The following AHCYL2 variants were observed in gnomAD, a reference collection of about 807,000 sequenced individuals.
The protein encoded by AHCYL2 is S-adenosylhomocysteine hydrolase-like protein 2.
A neutral mutation model predicts 81.4 loss-of-function variants in AHCYL2; 28 were observed. The observed-to-expected ratio is 0.34, with a 90% CI of 0.25 to 0.47. The LOEUF is 0.47. Ranked by LOEUF, AHCYL2 falls within the 20% of genes least tolerant of loss-of-function variation. AHCYL2 has a pLI of 1.00. For missense variants in AHCYL2, 551 were observed against 785.1 expected (o/e 0.70, Z 3.56); for synonymous variants, 272 against 290.2 (o/e 0.94, Z 0.64).
intron 1 of AHCYL2, among the ~76,000 whole-genome samples, chr7:129,241,837 G>A (rs529696325): frequency 3.3e-5 from 5 of 151,972 alleles, no homozygotes; most frequent in African/African-American, 1.2e-4. Flanking sequence ...GGGCAACATA[G>A]TGAGACCCTA....
At chr7:129,320,776 T>G (rs1797986942) in intron 1 of AHCYL2, among the ~76,000 whole-genome samples, 1 of 152,204 alleles carries the variant, frequency 6.6e-6, no homozygotes, top group African/African-American at 2.4e-5. Flanking sequence ...TACCCATTAG[T>G]GGTGGTATTT....
At chr7:129,298,056 A>T in intron 1 of AHCYL2, among the ~76,000 whole-genome samples, 1 of 152,280 alleles carries the variant, frequency 6.6e-6, no homozygotes. Context: ...CTGCTGAAAT[A>T]GTCATTCCCA....
chr7:129,410,121 C>G, intron 11 of AHCYL2: 1 of 1,559,332 alleles, frequency 6.4e-7, no homozygotes, highest in Non-Finnish European at 8.7e-7. Context: ...CTCTAAAATT[C>G]AAGACTTCCA....
intron 1 of AHCYL2, among the ~76,000 whole-genome samples, chr7:129,313,890 C>T (rs1056863783): frequency 6.6e-6 from 1 of 152,032 alleles, no homozygotes; most frequent in Non-Finnish European, 1.5e-5. Context: ...GTGAGTCTTC[C>T]AATTAATGGC....
At chr7:129,400,852 A>G (rs545613841) in intron 6 of AHCYL2, among the ~76,000 whole-genome samples, 1 of 152,352 alleles carries the variant, frequency 6.6e-6, no homozygotes, top group African/African-American at 2.4e-5. Context: ...CATATAATGA[A>G]TTTATAGTAA....
chr7:129,284,804 A>AT (rs938812445), intron 1 of AHCYL2, among the ~76,000 whole-genome samples: 3 of 151,572 alleles, frequency 2.0e-5, no homozygotes, highest in Admixed American at 6.6e-5. Context: ...AAACTAAAAA[A>AT]TTTTTTTTTC....
chr7:129,369,172 A>G (rs1794249948), intron 1 of AHCYL2, among the ~76,000 whole-genome samples: 1 of 151,970 alleles, frequency 6.6e-6, no homozygotes, highest in Non-Finnish European at 1.5e-5. Flanking sequence ...ATTTGTTGAT[A>G]AGAACTAGCA....
intron 1 of AHCYL2, among the ~76,000 whole-genome samples, chr7:129,311,413 C>T (rs569998520): frequency 5.3e-5 from 8 of 152,202 alleles, no homozygotes; most frequent in African/African-American, 9.7e-5. Flanking sequence ...ATCATCTAAC[C>T]TAAATGCTGA....
intron 1 of AHCYL2, among the ~76,000 whole-genome samples, chr7:129,304,489 T>C (rs914930951): frequency 6.6e-6 from 1 of 152,236 alleles, no homozygotes; most frequent in African/African-American, 2.4e-5. Flanking sequence ...TGTTGAAGTC[T>C]CTAGCTAGCT....
At chr7:129,230,941 G>A (rs1317835568) in intron 1 of AHCYL2, among the ~76,000 whole-genome samples, 5 of 152,052 alleles carry the variant, frequency 3.3e-5, no homozygotes, top group Admixed American at 6.6e-5. Context: ...TATTTATTGC[G>A]TGGTTGAAGG....
Position 129,426,999 on chromosome 7 carries a change from G to A in AHCYL2, c.1830-40G>A. ...TCTTCATGTCCCAGCATCCCCATTA[G>A]CTGATAACATCACAGTCTCATCTTT... is the stretch of plus-strand genomic sequence containing the variant. On this transcript the variant is annotated intron_variant, in intron 16 of 16. Transcript: ENST00000325006. This position sits in a 1 kb window ranked among gnomAD's most constrained non-coding sequence, Gnocchi z 4.3. The A allele has an allele frequency of 6.2e-7, 1 of 1,604,484 alleles. No homozygotes were observed. Among genetic ancestry groups the A allele is most frequent in the Admixed American group, 1.7e-5 (1 of 59,818 alleles).
At chr7:129,287,736 T>C (rs1563181889) in intron 1 of AHCYL2, among the ~76,000 whole-genome samples, 1 of 152,344 alleles carries the variant, frequency 6.6e-6, no homozygotes, top group East Asian at 1.9e-4. Flanking sequence ...TTATAATTAG[T>C]ACTTGTGATA....
intron 1 of AHCYL2, among the ~76,000 whole-genome samples, chr7:129,364,368 C>T (rs1048006991): frequency 3.3e-5 from 5 of 152,300 alleles, no homozygotes; most frequent in African/African-American, 1.2e-4. Context: ...GATCTCGGCT[C>T]ACTGCAACCT....
intron 1 of AHCYL2, among the ~76,000 whole-genome samples, chr7:129,359,132 A>C (rs1793844858): frequency 6.6e-6 from 1 of 152,252 alleles, no homozygotes; most frequent in Non-Finnish European, 1.5e-5. Context: ...AAGTGGATTC[A>C]GTAAATTGTG....
intron 1 of AHCYL2, among the ~76,000 whole-genome samples, chr7:129,261,786 G>A (rs1160830224): frequency 1.3e-5 from 2 of 152,074 alleles, no homozygotes; most frequent in East Asian, 3.9e-4. Flanking sequence ...AGATCATGGA[G>A]ATCTTAGGCT....
At chr7:129,383,749 T>G (rs1263744539) in intron 2 of AHCYL2, among the ~76,000 whole-genome samples, 2 of 152,150 alleles carry the variant, frequency 1.3e-5, no homozygotes, top group East Asian at 1.9e-4. Flanking sequence ...ACTGTTATTT[T>G]GAAACACGCC....
At chr7:129,288,644 G>A (rs555054856) in intron 1 of AHCYL2, among the ~76,000 whole-genome samples, 6 of 152,240 alleles carry the variant, frequency 3.9e-5, no homozygotes, top group African/African-American at 1.4e-4. Context: ...ACAGGCGTGA[G>A]CCACTGCGCC....
chr7:129,296,276 A>G (rs565199061), intron 1 of AHCYL2, among the ~76,000 whole-genome samples: 1 of 152,396 alleles, frequency 6.6e-6, no homozygotes, highest in African/African-American at 2.4e-5. Context: ...AAAGGGAGCC[A>G]GTGAGTAACC....
chr7:129,389,178 G>C lies in AHCYL2; in HGVS notation c.598G>C (p.Glu200Gln). ...CAAACAGGCAGAGTTTGGACGAAGA[G>C]AAATTGAAATTGCTGAACAAGGTAA... Reference protein sequence around the residue: ...NIKQAEFGRREIEIAEQEMPA... With the variant: ...NIKQAEFGRRQIEIAEQEMPA... Residue 200 changes from glutamate (E) to glutamine (Q), a missense_variant, in exon 3 of 17, where the codon GAA becomes CAA. Around this residue, in one of 2 missense-constraint regions of AHCYL2, gnomAD observed 316 missense variants for 543.1 expected, o/e 0.58. Transcript: ENST00000325006. 2 of 1,613,946 alleles carry C rather than the reference G, an allele frequency of 1.2e-6. No individual in the cohort carries two copies. The highest frequency in any genetic ancestry group is 1.7e-6 in the Non-Finnish European group (2 of 1,179,888).
Sources: gnomAD v4.1 joint callset for allele counts (sites outside exome capture counted in the v4.1 genomes callset) on GRCh38, gnomAD v4.1.1 for gene constraint, gnomAD v4.1.1 regional missense constraint, Gnocchi (gnomAD v3.1) non-coding constraint, MANE v1.5 for transcripts, NCBI Gene and HGNC (gene_info 2026-07-23, HGNC 2026-07-21) for gene names.